PDSS2: variants seen among roughly 807,000 people sequenced by gnomAD.
The protein encoded by PDSS2 is all trans-polyprenyl-diphosphate synthase PDSS2.
In PDSS2, 31 loss-of-function variants were observed where a neutral mutation model predicts 44.5. That is an observed-to-expected ratio of 0.70 (90% CI 0.52 to 0.94). The LOEUF (loss-of-function observed/expected upper bound fraction) is 0.94. Ranked by LOEUF, PDSS2 falls within the 40% of genes least tolerant of loss-of-function variation. PDSS2 has a pLI of 0.00. For synonymous variants in PDSS2, 157 were observed against 180.3 expected, an observed-to-expected ratio of 0.87 and a Z score of 1.03; for missense variants, 452 against 482.2, an observed-to-expected ratio of 0.94 and a Z score of 0.59.
At chr6:107,445,274 G>C (rs1781636029) in intron 1 of PDSS2, among the ~76,000 whole-genome samples, 1 of 152,036 alleles carries the variant, frequency 6.6e-6, no homozygotes, top group African/African-American at 2.4e-5. Context: ...TGTATTGAGA[G>C]GAAGGGGACA....
At chr6:107,236,808 C>T (rs1370802134) in intron 4 of PDSS2, among the ~76,000 whole-genome samples, 3 of 152,154 alleles carry the variant, frequency 2.0e-5, no homozygotes, top group Admixed American at 2.0e-4. Context: ...GATGTGAGTT[C>T]TTGTTCACAT....
chr6:107,385,991 C>T (rs1449448038), intron 1 of PDSS2, among the ~76,000 whole-genome samples: 3 of 152,112 alleles, frequency 2.0e-5, no homozygotes, highest in African/African-American at 4.8e-5. Context: ...AACAGAATTT[C>T]TGCCTTAGAA....
chr6:107,214,900 G>A (rs1324529586), intron 4 of PDSS2, among the ~76,000 whole-genome samples: 2 of 152,118 alleles, frequency 1.3e-5, no homozygotes, highest in Non-Finnish European at 2.9e-5. Flanking sequence ...TCACAGGTGT[G>A]TGCCACCATG....
chr6:107,390,168 T>A (rs542304993), intron 1 of PDSS2, among the ~76,000 whole-genome samples: 1 of 152,118 alleles, frequency 6.6e-6, no homozygotes, highest in Non-Finnish European at 1.5e-5. Context: ...CCCTTGAGTG[T>A]GGGCTAGATT....
chr6:107,439,143 C>T (rs1346008300), intron 1 of PDSS2, among the ~76,000 whole-genome samples: 1 of 152,152 alleles, frequency 6.6e-6, no homozygotes, highest in Admixed American at 6.5e-5. Flanking sequence ...TCTTCCTGTA[C>T]AGAGAATTGA....
chr6:107,412,732 G>A (rs892322128), intron 1 of PDSS2, among the ~76,000 whole-genome samples: 1 of 152,070 alleles, frequency 6.6e-6, no homozygotes, highest in Non-Finnish European at 1.5e-5. Flanking sequence ...CAGATTTTGA[G>A]TCATAATTTT....
intron 1 of PDSS2, among the ~76,000 whole-genome samples, chr6:107,441,955 T>C (rs571469106): frequency 6.6e-6 from 1 of 152,296 alleles, no homozygotes; most frequent in East Asian, 1.9e-4. Flanking sequence ...ACTTTGAATC[T>C]TGAGCAGCCA....
At chr6:107,457,104 TA>T (rs1438683073) in intron 1 of PDSS2, among the ~76,000 whole-genome samples, 1 of 152,156 alleles carries the variant, frequency 6.6e-6, no homozygotes, top group Non-Finnish European at 1.5e-5. Flanking sequence ...TGCCAAGGAA[TA>T]AAATCACTTT....
At chr6:107,458,344 C>T (rs934208597) in intron 1 of PDSS2, among the ~76,000 whole-genome samples, 5 of 142,332 alleles carry the variant, frequency 3.5e-5, no homozygotes, top group Middle Eastern at 4.0e-3. Context: ...ACAAAATTAG[C>T]CGGACGTGGT....
intron 3 of PDSS2, among the ~76,000 whole-genome samples, chr6:107,261,156 C>T (rs576410646): frequency 6.6e-6 from 1 of 152,314 alleles, no homozygotes; most frequent in South Asian, 2.1e-4. Flanking sequence ...CTGCAGCTGC[C>T]TATCTCTTCT....
chr6:107,194,139 G>A (rs1019866019), intron 6 of PDSS2, among the ~76,000 whole-genome samples: 1 of 152,096 alleles, frequency 6.6e-6, no homozygotes, highest in African/African-American at 2.4e-5. Flanking sequence ...TACATATACA[G>A]CATCTCATAC....
intron 1 of PDSS2, among the ~76,000 whole-genome samples, chr6:107,396,218 CT>C (rs999055344): frequency 4.6e-5 from 7 of 151,870 alleles, no homozygotes; most frequent in African/African-American, 1.2e-4. Flanking sequence ...TTATCTAGAA[CT>C]TTTTTTTTCC....
chr6:107,260,809 G>A (rs1274408732), intron 3 of PDSS2, among the ~76,000 whole-genome samples: 4 of 150,848 alleles, frequency 2.7e-5, no homozygotes, highest in African/African-American at 7.3e-5. Context: ...GACTACAGGC[G>A]CCCGCCACTA....
intron 1 of PDSS2, among the ~76,000 whole-genome samples, chr6:107,432,351 T>A (rs1382787536): frequency 6.6e-6 from 1 of 152,330 alleles, no homozygotes; most frequent in Admixed American, 6.5e-5. Flanking sequence ...AACATTCTAT[T>A]TTTCATTTTA....
chr6:107,404,673 A>G (rs527761473), intron 1 of PDSS2, among the ~76,000 whole-genome samples: 1 of 152,180 alleles, frequency 6.6e-6, no homozygotes, highest in African/African-American at 2.4e-5. Flanking sequence ...ACTCACTATC[A>G]TGAGAACAGC....
At chr6:107,168,285 G>C (rs1462569007) in intron 7 of PDSS2, among the ~76,000 whole-genome samples, 1 of 152,134 alleles carries the variant, frequency 6.6e-6, no homozygotes, top group African/African-American at 2.4e-5. Flanking sequence ...TTTTATCAGA[G>C]ACTAGGATTG....
intron 7 of PDSS2, among the ~76,000 whole-genome samples, chr6:107,190,757 A>G (rs1347828335): frequency 6.6e-6 from 1 of 152,190 alleles, no homozygotes; most frequent in Non-Finnish European, 1.5e-5. Context: ...CAGAAGCAGT[A>G]TGCTTTATGA....
chr6:107,436,373 T>C (rs1430740615), intron 1 of PDSS2, among the ~76,000 whole-genome samples: 2 of 152,208 alleles, frequency 1.3e-5, no homozygotes, highest in Admixed American at 1.3e-4. Context: ...GGAATTATTA[T>C]AGTACTTAAA....
intron 1 of PDSS2, among the ~76,000 whole-genome samples, chr6:107,334,796 C>G (rs1033528061): frequency 6.6e-6 from 1 of 151,748 alleles, no homozygotes; most frequent in African/African-American, 2.4e-5. Flanking sequence ...AATCTTTCTG[C>G]CTTAGCCTCC....
Sources: allele counts gnomAD v4.1 joint callset (sites outside exome capture counted in the v4.1 genomes callset), GRCh38; gene constraint gnomAD v4.1.1; transcripts MANE v1.5; gene names NCBI Gene and HGNC (gene_info 2026-07-23, HGNC 2026-07-21).